DLG2: variants seen among roughly 807,000 people sequenced by gnomAD.
The protein encoded by DLG2 is disks large homolog 2.
A neutral mutation model predicts 132.5 loss-of-function variants in DLG2; 45 were observed. That is an observed-to-expected ratio of 0.34 (90% CI 0.27 to 0.44). The LOEUF (loss-of-function observed/expected upper bound fraction) is 0.44, where lower values mean the gene tolerates loss of function less well. Ranked by LOEUF, DLG2 falls within the 20% of genes least tolerant of loss-of-function variation. DLG2 has a pLI of 1.00. For synonymous variants in DLG2, 424 were observed against 419.6 expected, an observed-to-expected ratio of 1.01 and a Z score of -0.13; for missense variants, 1,045 against 1,196.9, an observed-to-expected ratio of 0.87 and a Z score of 1.87.
At chr11:84,223,556 CTTTTTTT>C (rs5793116) in intron 8 of DLG2, among the ~76,000 whole-genome samples, 1 of 131,578 alleles carries the variant, frequency 7.6e-6, no homozygotes. Context: ...ATTTATGTGA[CTTTTTTT>C]TTTTTTTTTT....
At chr11:85,300,610 C>G (rs2079527905) in intron 3 of DLG2, among the ~76,000 whole-genome samples, 1 of 152,112 alleles carries the variant, frequency 6.6e-6, no homozygotes, top group African/African-American at 2.4e-5. Flanking sequence ...CCTTGGGGAT[C>G]CATGTACATT....
At chr11:84,153,190 TTTCTGCTGAGAA>T (rs2095345953) in intron 9 of DLG2, among the ~76,000 whole-genome samples, 1 of 152,194 alleles carries the variant, frequency 6.6e-6, no homozygotes, top group South Asian at 2.1e-4. Context: ...GCTTGTAAGG[TTTCTGCTGAGAA>T]GTCTGCTGTT....
At chr11:84,881,481 G>C (rs115160327) in intron 6 of DLG2, among the ~76,000 whole-genome samples, 1,889 of 152,206 alleles carry the variant, frequency 0.012, 44 homozygotes, top group African/African-American at 0.042. Context: ...AGCCACCTTA[G>C]TCAACCCAAA....
intron 18 of DLG2, among the ~76,000 whole-genome samples, chr11:83,633,534 C>G (rs2063950487): frequency 6.6e-6 from 1 of 151,946 alleles, no homozygotes; most frequent in African/African-American, 2.4e-5. Flanking sequence ...CCAAAACGTA[C>G]CTGGAAAACA....
At chr11:84,007,049 A>G (rs2094604526) in intron 11 of DLG2, among the ~76,000 whole-genome samples, 1 of 151,742 alleles carries the variant, frequency 6.6e-6, no homozygotes, top group African/African-American at 2.4e-5. Flanking sequence ...TAACTTTACT[A>G]CCTCACTCGA....
chr11:84,772,776 C>A (rs1011715948), intron 6 of DLG2, among the ~76,000 whole-genome samples: 2 of 152,166 alleles, frequency 1.3e-5, no homozygotes, highest in East Asian at 3.9e-4. Context: ...ATACCAAAAT[C>A]TCTGGGATGC....
At chr11:85,168,506 T>C (rs982325945) in intron 4 of DLG2, among the ~76,000 whole-genome samples, 1 of 152,074 alleles carries the variant, frequency 6.6e-6, no homozygotes, top group African/African-American at 2.4e-5. Flanking sequence ...CAGAAGCCAA[T>C]TTAGGAGAAT....
intron 3 of DLG2, among the ~76,000 whole-genome samples, chr11:85,487,468 A>G (rs1033662354): frequency 6.6e-6 from 1 of 151,696 alleles, no homozygotes; most frequent in Non-Finnish European, 1.5e-5. Context: ...TACCAAAAAG[A>G]TAGGTATTTC....
At chr11:85,498,300 C>T (rs969358613) in intron 3 of DLG2, among the ~76,000 whole-genome samples, 1 of 152,132 alleles carries the variant, frequency 6.6e-6, no homozygotes, top group African/African-American at 2.4e-5. Context: ...ATAAAACAGA[C>T]TTTAAACGAA....
At chr11:85,261,303 C>T (rs1296364574) in intron 4 of DLG2, among the ~76,000 whole-genome samples, 3 of 152,068 alleles carry the variant, frequency 2.0e-5, no homozygotes, top group African/African-American at 4.8e-5. Context: ...TTGTGGTTAG[C>T]CATCTCTTGG....
chr11:85,191,204 AC>A (rs977619067), intron 4 of DLG2, among the ~76,000 whole-genome samples: 34 of 148,636 alleles, frequency 2.3e-4, no homozygotes, highest in African/African-American at 7.4e-4. Flanking sequence ...ACACACACAC[AC>A]GTTTGGATAT....
In DLG2 at chr11:85,088,905, C is replaced by T. The variant is rs148704623; in HGVS notation, c.357+22756G>A. ...TGTCCTTGTCAGCATGGTTCAGTAA[C>T]ATTAAACCAATCAGTTATACAAAAT... is the stretch of plus-strand genomic sequence containing the variant. On this transcript the variant is annotated intron_variant, in intron 6 of 27. Coordinates refer to ENST00000376104, the MANE Select transcript of DLG2 (RefSeq NM_001142699.3). Among the ~76,000 whole-genome samples, 519 of 152,232 alleles carry T rather than the reference C, an allele frequency of 3.4e-3. 3 individuals are homozygous for T. The highest frequency in any genetic ancestry group is 5.8e-3 in the South Asian group (28 of 4,832).
intron 3 of DLG2, among the ~76,000 whole-genome samples, chr11:85,495,996 C>G (rs974908870): frequency 6.6e-6 from 1 of 152,126 alleles, no homozygotes; most frequent in African/African-American, 2.4e-5. Context: ...GCAGAAGACA[C>G]GTGATTTCTG....
intron 20 of DLG2, among the ~76,000 whole-genome samples, chr11:83,533,724 G>A (rs527369466): frequency 6.6e-6 from 1 of 152,194 alleles, no homozygotes; most frequent in South Asian, 2.1e-4. Context: ...GTACATAGGG[G>A]ATATATAGGA....
chr11:84,532,712 G>A (rs530939927), intron 7 of DLG2, among the ~76,000 whole-genome samples: 1 of 152,118 alleles, frequency 6.6e-6, no homozygotes, highest in Non-Finnish European at 1.5e-5. Context: ...ACCCAGGCTG[G>A]TCTTGAAGTC....
rs550463046 is a variant in DLG2, at chr11:84,819,680, G to A, written c.358-284949C>T. Among the ~76,000 whole-genome samples the A allele has an allele frequency of 1.6e-4, 24 of 151,956 alleles. No homozygotes were observed. In the South Asian group the frequency reaches 4.8e-3, roughly 30 times the overall value. On this transcript the variant is annotated intron_variant, in intron 6 of 27. Coordinates refer to ENST00000376104, the MANE Select transcript of DLG2 (RefSeq NM_001142699.3). The stretch of plus-strand genomic sequence containing the variant: ...ACCTGCCAAGGAGAAGAATTTAACA[G>A]GAAACCTCAGATAGCTGAGTTACCG...
chr11:84,616,646 C>G (rs1368235230), intron 6 of DLG2, among the ~76,000 whole-genome samples: 1 of 152,098 alleles, frequency 6.6e-6, no homozygotes, highest in African/African-American at 2.4e-5. Flanking sequence ...GCTGTACAGT[C>G]TTTGGTAAAC....
chr11:84,197,879 C>A (rs1308428956), intron 8 of DLG2, among the ~76,000 whole-genome samples: 1 of 152,112 alleles, frequency 6.6e-6, no homozygotes, highest in East Asian at 1.9e-4. Context: ...TTCTCAGGGG[C>A]TACAGAATAA....
intron 8 of DLG2, among the ~76,000 whole-genome samples, chr11:84,250,866 C>T (rs1450448938): frequency 6.6e-6 from 1 of 152,188 alleles, no homozygotes; most frequent in East Asian, 1.9e-4. Context: ...TGATTACTTA[C>T]TTTAGGTTCC....
Sources: gnomAD v4.1 joint callset for allele counts (sites outside exome capture counted in the v4.1 genomes callset) on GRCh38, gnomAD v4.1.1 for gene constraint, MANE v1.5 for transcripts, NCBI Gene and HGNC (gene_info 2026-07-23, HGNC 2026-07-21) for gene names.